Variants in LPP observed in about 807,000 individuals in gnomAD.
LPP encodes LIM domain containing preferred translocation partner in lipoma, also known as lipoma-preferred partner.
LPP carries 38 observed loss-of-function variants against 60.4 expected under a neutral mutation model. The ratio of observed to expected loss-of-function variants is 0.63; its 90% CI spans 0.49 to 0.83. The LOEUF (loss-of-function observed/expected upper bound fraction) is 0.83. LPP is among the 40% of genes least tolerant of loss of function. The pLI is 0.00. For synonymous variants in LPP, 328 were observed against 290.8 expected (o/e 1.13, Z -1.30); for missense variants, 902 against 783.6 (o/e 1.15, Z -1.80).
At chr3:188,434,890 A>T (rs1791920923) in intron 4 of LPP, among the ~76,000 whole-genome samples, 1 of 152,160 alleles carries the variant, frequency 6.6e-6, no homozygotes. Context: ...TGTTTCCAAG[A>T]TTTAGTTCTT....
intron 9 of LPP, among the ~76,000 whole-genome samples, chr3:188,849,621 C>T (rs536695636): frequency 6.6e-6 from 1 of 152,260 alleles, no homozygotes; most frequent in African/African-American, 2.4e-5. Context: ...AGGAGTCAGG[C>T]AGACCCAAGT....
chr3:188,199,493 A>G (rs778461153), intron 1 of LPP, among the ~76,000 whole-genome samples: 2 of 151,980 alleles, frequency 1.3e-5, no homozygotes, highest in African/African-American at 2.4e-5. Context: ...GCCACAGGGT[A>G]TGCAGCAGGC....
At chr3:188,638,324 C>A (rs1849280102) in intron 7 of LPP, among the ~76,000 whole-genome samples, 1 of 149,928 alleles carries the variant, frequency 6.7e-6, no homozygotes, top group Admixed American at 6.7e-5. Flanking sequence ...GCCCTTCATG[C>A]TAAAAACTCT....
intron 4 of LPP, among the ~76,000 whole-genome samples, chr3:188,465,603 CAGAT>C: frequency 6.6e-6 from 1 of 152,280 alleles, no homozygotes; most frequent in South Asian, 2.1e-4. Flanking sequence ...AATAAACAAA[CAGAT>C]AATCTAGTTC....
At chr3:188,465,188 C>A (rs1477576305) in intron 4 of LPP, among the ~76,000 whole-genome samples, 2 of 152,006 alleles carry the variant, frequency 1.3e-5, no homozygotes, top group African/African-American at 4.8e-5. Context: ...TATACTTCCC[C>A]CTTTAGTAAC....
intron 6 of LPP, among the ~76,000 whole-genome samples, chr3:188,543,808 G>T (rs1437145005): frequency 6.6e-6 from 1 of 152,152 alleles, no homozygotes; most frequent in Non-Finnish European, 1.5e-5. Context: ...CACTAAGAAA[G>T]ATGGCATTGT....
At chr3:188,370,889 G>C (rs1168268123) in intron 3 of LPP, among the ~76,000 whole-genome samples, 1 of 152,102 alleles carries the variant, frequency 6.6e-6, no homozygotes, top group Non-Finnish European at 1.5e-5. Flanking sequence ...CTTGGCTGTC[G>C]CAGCTTTGTT....
At chr3:188,845,644 G>A (rs1761208575) in intron 9 of LPP, among the ~76,000 whole-genome samples, 1 of 152,142 alleles carries the variant, frequency 6.6e-6, no homozygotes, top group Admixed American at 6.5e-5. Context: ...TATATATGCT[G>A]TGTACCCTTG....
intron 1 of LPP, among the ~76,000 whole-genome samples, chr3:188,164,278 T>C (rs1454013021): frequency 6.6e-6 from 1 of 152,180 alleles, no homozygotes; most frequent in African/African-American, 2.4e-5. Flanking sequence ...TGTTCATGTG[T>C]GTACTTTAGC....
chr3:188,635,462 CT>C (rs1055566082), intron 7 of LPP, among the ~76,000 whole-genome samples: 13 of 152,298 alleles, frequency 8.5e-5, no homozygotes, highest in African/African-American at 2.9e-4. Context: ...TGAGAACAGG[CT>C]TATTCAGATT....
chr3:188,482,508 C>T (rs1805087248), intron 4 of LPP, among the ~76,000 whole-genome samples: 1 of 152,138 alleles, frequency 6.6e-6, no homozygotes, highest in South Asian at 2.1e-4. Context: ...GAAAGTTTCT[C>T]AATCCTGGCT....
chr3:188,451,465 T>A (rs1379705012), intron 4 of LPP, among the ~76,000 whole-genome samples: 1 of 152,184 alleles, frequency 6.6e-6, no homozygotes, highest in Admixed American at 6.5e-5. Context: ...TTCCTTCACA[T>A]TTTTCAATAT....
intron 8 of LPP, 129 bp downstream of exon 8, chr3:188,708,522 C>G: frequency 2.5e-6 from 3 of 1,184,840 alleles, no homozygotes; most frequent in Non-Finnish European, 3.7e-6. Context: ...TGATATACAT[C>G]CCCGCACAAC....
chr3:188,745,539 C>A (rs1397459911), intron 8 of LPP, among the ~76,000 whole-genome samples: 1 of 152,152 alleles, frequency 6.6e-6, no homozygotes, highest in Non-Finnish European at 1.5e-5. Context: ...CATAATTAAC[C>A]ACTCAGTAAG....
intron 9 of LPP, among the ~76,000 whole-genome samples, chr3:188,810,116 C>T (rs982016939): frequency 1.4e-4 from 21 of 152,082 alleles, no homozygotes; most frequent in Admixed American, 4.6e-4. Flanking sequence ...AATTAAATTC[C>T]GCTTCTATCT....
chr3:188,878,759 T>TAAAAAAAAAAAAAAAAAAAAAAA lies in LPP; in HGVS notation c.*4296_*4297insAAAAAAAAAAAAAAAAAAAAAAA, dbSNP rs11448997. On this transcript the variant is annotated 3_prime_UTR_variant, in exon 12 of 12. Transcript: ENST00000617246. ...ATATACTCACCAAAAAGTAAAAAAGTAAAAAAAAAAAAAAAAGAAAGAAAG... is the reference window on the plus strand; with the variant it reads ...ATATACTCACCAAAAAGTAAAAAAGTAAAAAAAAAAAAAAAAAAAAAAAAAAAAAAAAAAAAAAAGAAAGAAAG... 2 of 153,928 alleles carry TAAAAAAAAAAAAAAAAAAAAAAA rather than the reference T, an allele frequency of 1.3e-5. No individual in the cohort carries two copies. The highest frequency in any genetic ancestry group is 7.6e-5 in the Admixed American group (1 of 13,094). The allele number at this position is 153,928 out of a possible 1,614,324, so 9.5% of individuals were successfully genotyped here. A position where few individuals can be genotyped will look rare whatever the true frequency, so the allele number is the denominator to read the frequency against.
intron 7 of LPP, among the ~76,000 whole-genome samples, chr3:188,702,131 T>A (rs1484976561): frequency 6.6e-6 from 1 of 151,816 alleles, no homozygotes; most frequent in Non-Finnish European, 1.5e-5. Flanking sequence ...TAATTTTTTG[T>A]ATTTTTAGTA....
At chr3:188,397,704 C>G (rs1781294373) in intron 3 of LPP, among the ~76,000 whole-genome samples, 1 of 151,998 alleles carries the variant, frequency 6.6e-6, no homozygotes, top group African/African-American at 2.4e-5. Context: ...ACCTCTGCCT[C>G]CTGGGTTCAA....
In LPP at chr3:188,733,233, G is replaced by A. The variant is rs376353243; in HGVS notation, c.1240+24840G>A. On this transcript the variant is annotated intron_variant, in intron 8 of 11. Coordinates refer to ENST00000617246, the MANE Select transcript of LPP (RefSeq NM_001375462.1). Reference sequence around the variant, plus strand: ...TATTTCTCTGCTGCAGAGTGACTACGTCTACAGTCAAAAGTTCTCAACCTA... The same window carrying A: ...TATTTCTCTGCTGCAGAGTGACTACATCTACAGTCAAAAGTTCTCAACCTA... Among the ~76,000 whole-genome samples the A allele has an allele frequency of 9.9e-5, 15 of 151,928 alleles. No homozygotes were observed. The East Asian group carries it at 1.7e-3, about 18-fold the overall frequency.
Sources: gnomAD v4.1 joint callset for allele counts (sites outside exome capture counted in the v4.1 genomes callset) on GRCh38, gnomAD v4.1.1 for gene constraint, MANE v1.5 for transcripts, NCBI Gene and HGNC (gene_info 2026-07-23, HGNC 2026-07-21) for gene names.